The following ANK1 variants were observed in gnomAD, a reference collection of about 807,000 sequenced individuals.
ANK1 encodes ankyrin 1, also known as ankyrin-1.
A neutral mutation model predicts 210.4 loss-of-function variants in ANK1; 51 were observed. The ratio of observed to expected loss-of-function variants is 0.24; its 90% CI spans 0.19 to 0.31. The LOEUF is 0.31. Among genes scored for constraint, ANK1 ranks in the 10% least tolerant of loss-of-function variants. The pLI, the probability that ANK1 is intolerant of heterozygous loss-of-function variation, is 1.00. For missense variants in ANK1, 2,051 were observed against 2,504.4 expected (o/e 0.82, Z 3.86); for synonymous variants, 967 against 1,025.9 (o/e 0.94, Z 1.10).
intron 39 of ANK1, chr8:41,665,900 C>T (rs939393219): frequency 3.9e-5 from 6 of 152,418 alleles, no homozygotes; most frequent in African/African-American, 1.4e-4. Context: ...GCTATCAACG[C>T]CCACTGAGCA....
chr8:41,676,334 A>T (rs1317244876), intron 37 of ANK1, among the ~76,000 whole-genome samples: 1 of 152,198 alleles, frequency 6.6e-6, no homozygotes, highest in Non-Finnish European at 1.5e-5. Context: ...TTCCCAAATC[A>T]CTAATGATGT....
intron 1 of ANK1, among the ~76,000 whole-genome samples, chr8:41,834,067 T>C (rs6986379): frequency 0.48 from 72,215 of 151,964 alleles, 18,343 homozygotes; most frequent in East Asian, 0.82. Context: ...GGGCACCAGA[T>C]GGAGGCCTAG....
At chr8:41,714,854 T>C (rs909207023) in intron 15 of ANK1, 122 bp downstream of exon 15, 7 of 1,032,654 alleles carry the variant, frequency 6.8e-6, no homozygotes, top group Middle Eastern at 2.4e-4. Flanking sequence ...AGCGAGACCC[T>C]GTCTCAAAGA....
At chr8:41,822,395 T>C (rs189731450) in intron 1 of ANK1, among the ~76,000 whole-genome samples, 44 of 152,292 alleles carry the variant, frequency 2.9e-4, no homozygotes, top group African/African-American at 8.4e-4. Context: ...GTGGATCCGT[T>C]TGGCAGAGTA....
chr8:41,728,725 T>A (rs112001869), intron 3 of ANK1, among the ~76,000 whole-genome samples: 3 of 152,058 alleles, frequency 2.0e-5, no homozygotes, highest in Non-Finnish European at 4.4e-5. Flanking sequence ...AAATAAAAAA[T>A]TTTTATAAAA....
rs1447234952 is a variant in ANK1 at position 41,696,659 on chromosome 8, C to T, written c.2735+17G>A. 13 of 1,604,970 alleles carry T rather than the reference C, an allele frequency of 8.1e-6. No homozygotes were observed. Among genetic ancestry groups the T allele is most frequent in the Non-Finnish European group, 1.0e-5 (12 of 1,179,812 alleles). Reference sequence around the variant, plus strand: ...AGATGGAGACAGGAGTCCCCGAGCCCTGCGCCCGCCACTCACCCTGTATGC... The same window carrying T: ...AGATGGAGACAGGAGTCCCCGAGCCTTGCGCCCGCCACTCACCCTGTATGC... On this transcript the variant is annotated intron_variant, in intron 25 of 42. Coordinates refer to ENST00000289734, the MANE Select transcript of ANK1 (RefSeq NM_000037.4).
At chr8:41,844,253 G>A (rs891952910) in intron 1 of ANK1, among the ~76,000 whole-genome samples, 6 of 152,252 alleles carry the variant, frequency 3.9e-5, no homozygotes, top group Middle Eastern at 3.4e-3. Flanking sequence ...GTATCCCCTC[G>A]GGGAAGTCTA....
chr8:41,717,160 G>C (rs1827910119), intron 12 of ANK1, 109 bp from the exon 13 acceptor site: 1 of 1,172,442 alleles, frequency 8.5e-7, no homozygotes, highest in East Asian at 2.4e-5. Context: ...TTTTGTCCAA[G>C]AGGTGGAGTT....
At chr8:41,711,286 A>G (rs1057358967) in intron 16 of ANK1, among the ~76,000 whole-genome samples, 1 of 152,176 alleles carries the variant, frequency 6.6e-6, no homozygotes, top group South Asian at 2.1e-4. Context: ...ATAAAACCCT[A>G]AGCCCCACAC....
chr8:41,842,836 TGG>T (rs999705415), intron 1 of ANK1, among the ~76,000 whole-genome samples: 1 of 152,140 alleles, frequency 6.6e-6, no homozygotes, highest in East Asian at 1.9e-4. Flanking sequence ...AACACATTTT[TGG>T]GGGGTTGTTC....
rs565582293 is a variant in ANK1, at chr8:41,688,320, G to A, written c.4184-90C>T. ...ACGGCCTGTGATGGATGTGGCTTCC[G>A]TGTGCACTGGGGTGATTGTCTAGAC... On this transcript the variant is annotated intron_variant, in intron 34 of 42. Transcript: ENST00000289734. 5,582 of 1,473,636 alleles carry A rather than the reference G, an allele frequency of 3.8e-3. 27 individuals carry two copies. The highest frequency in any genetic ancestry group is 0.011 in the Middle Eastern group (58 of 5,264). 91.3% of individuals were successfully genotyped at this position (1,473,636 alleles called of 1,614,324 possible). A position where few individuals can be genotyped will look rare whatever the true frequency, so the allele number is the denominator to read the frequency against.
rs2304875 is a variant in ANK1, at chr8:41,717,921, G to A, written c.1206+185C>T. Among the ~76,000 whole-genome samples, 52,848 of 151,962 alleles carry A rather than the reference G, an allele frequency of 0.35. 9,357 individuals are homozygous for A. Among genetic ancestry groups the A allele is most frequent in the African/African-American group, 0.42 (17,282 of 41,444 alleles). ...GCAAAAATTGTGTCTGATCTTGGAAGGCTCCATGAGACTTGACTCATGTTC... is the reference window on the plus strand; with the variant it reads ...GCAAAAATTGTGTCTGATCTTGGAAAGCTCCATGAGACTTGACTCATGTTC... On this transcript the variant is annotated intron_variant, in intron 11 of 42. Transcript: ENST00000289734.
chr8:41,690,093 CT>C (rs1440206015), intron 33 of ANK1, 133 bp downstream of exon 33: 49 of 1,428,224 alleles, frequency 3.4e-5, no homozygotes, highest in Non-Finnish European at 4.5e-5. Flanking sequence ...AGCTCAGCAC[CT>C]TTGCATGCCT....
At chr8:41,842,823 C>T (rs182496276) in intron 1 of ANK1, among the ~76,000 whole-genome samples, 1 of 152,268 alleles carries the variant, frequency 6.6e-6, no homozygotes, top group East Asian at 1.9e-4. Flanking sequence ...GATAAAATTA[C>T]TGAACACATT....
At position 41,719,650 on chromosome 8, in the gene ANK1, C is replaced by T. The variant is rs780500608; in HGVS notation, c.1107+11G>A. 1 of 1,614,118 alleles carries T rather than the reference C, an allele frequency of 6.2e-7. No homozygotes were observed. Among genetic ancestry groups the T allele is most frequent in the South Asian group, 1.1e-5 (1 of 91,080 alleles). On this transcript the variant is annotated intron_variant, in intron 10 of 42. Coordinates refer to ENST00000289734, the MANE Select transcript of ANK1 (RefSeq NM_000037.4). ...CCACTCTGCACCTTCTCCAGCAGCA[C>T]CCCCACTCACCAGGGCTCTGGAGTT...
intron 1 of ANK1, among the ~76,000 whole-genome samples, chr8:41,855,680 T>C (rs1291005378): frequency 1.3e-5 from 2 of 152,154 alleles, no homozygotes; most frequent in South Asian, 2.1e-4. Context: ...ACGAGAAGAT[T>C]TGGATGATCT....
chr8:41,822,125 AAAGAAAGAGAAAGAAAGAAAG>A (rs1804492966), intron 1 of ANK1, among the ~76,000 whole-genome samples: 1 of 59,774 alleles, frequency 1.7e-5, no homozygotes, highest in Admixed American at 1.5e-4. Context: ...AAAGAAAGAG[AAAGAAAGAGAAAGAAAGAAAG>A]AAAGAAAGAA....
chr8:41,758,261 T>C, intron 1 of ANK1, 124 bp from the exon 2 acceptor site: 1 of 846,486 alleles, frequency 1.2e-6, no homozygotes, highest in Non-Finnish European at 2.0e-6. Context: ...GTGCCCACAG[T>C]GACACCAGGT....
intron 1 of ANK1, among the ~76,000 whole-genome samples, chr8:41,821,329 CTATT>C (rs1804224532): frequency 6.6e-6 from 1 of 152,084 alleles, no homozygotes; most frequent in African/African-American, 2.4e-5. Context: ...AAAGGATGGT[CTATT>C]TGTTTATATC....
Sources: allele counts gnomAD v4.1 joint callset (sites outside exome capture counted in the v4.1 genomes callset), GRCh38; gene constraint gnomAD v4.1.1; transcripts MANE v1.5; gene names NCBI Gene and HGNC (gene_info 2026-07-23, HGNC 2026-07-21).